Variants in LRRTM4 observed in about 807,000 individuals in gnomAD.
LRRTM4 encodes the protein leucine rich repeat transmembrane neuronal 4.
LRRTM4 carries 25 observed loss-of-function variants against 47.6 expected under a neutral mutation model. That is an observed-to-expected ratio of 0.53 (90% CI 0.38 to 0.73). The LOEUF is 0.73. Among genes scored for constraint, LRRTM4 ranks in the 30% least tolerant of loss-of-function variants. The pLI is 0.00. For missense variants in LRRTM4, 638 were observed against 713.4 expected, an observed-to-expected ratio of 0.89 and a Z score of 1.20; for synonymous variants, 311 against 269.5, an observed-to-expected ratio of 1.15 and a Z score of -1.51.
At chr2:77,089,399 T>A (rs1024678137) in intron 3 of LRRTM4, among the ~76,000 whole-genome samples, 2 of 151,646 alleles carry the variant, frequency 1.3e-5, no homozygotes, top group East Asian at 3.9e-4. Context: ...CAACCTCTTA[T>A]ATCTCTGTGC....
intron 3 of LRRTM4, among the ~76,000 whole-genome samples, chr2:77,286,196 C>A (rs2104113548): frequency 6.6e-6 from 1 of 152,134 alleles, no homozygotes; most frequent in African/African-American, 2.4e-5. Context: ...CATGAGAATT[C>A]TGCTGGAGTA....
At chr2:77,050,765 T>C (rs532781612) in intron 3 of LRRTM4, among the ~76,000 whole-genome samples, 1 of 152,314 alleles carries the variant, frequency 6.6e-6, no homozygotes, top group South Asian at 2.1e-4. Context: ...TCTACTTCTG[T>C]AAAACGGAAA....
intron 3 of LRRTM4, among the ~76,000 whole-genome samples, chr2:77,281,535 T>C (rs1432372935): frequency 1.3e-5 from 2 of 151,650 alleles, no homozygotes; most frequent in African/African-American, 4.8e-5. Context: ...TTAGTAGGGG[T>C]GAAGTAGAAA....
intron 3 of LRRTM4, among the ~76,000 whole-genome samples, chr2:77,088,280 C>T (rs1052143502): frequency 1.3e-4 from 20 of 152,148 alleles, no homozygotes; most frequent in Non-Finnish European, 2.2e-4. Flanking sequence ...TGCACGTATA[C>T]GCCCAGATGG....
At chr2:76,933,989 A>G (rs2103841789) in intron 3 of LRRTM4, among the ~76,000 whole-genome samples, 1 of 152,246 alleles carries the variant, frequency 6.6e-6, no homozygotes, top group South Asian at 2.1e-4. Flanking sequence ...CCATGCTGAG[A>G]AATAACATCT....
chr2:76,763,242 C>G (rs780448342), intron 3 of LRRTM4, among the ~76,000 whole-genome samples: 1 of 152,190 alleles, frequency 6.6e-6, no homozygotes, highest in Non-Finnish European at 1.5e-5. Flanking sequence ...GCACTGTGGA[C>G]TGAATATTTG....
chr2:77,076,696 T>G (rs1215252925), intron 3 of LRRTM4, among the ~76,000 whole-genome samples: 1 of 152,182 alleles, frequency 6.6e-6, no homozygotes, highest in Non-Finnish European at 1.5e-5. Context: ...AGAATAAAAG[T>G]CATGCAAATG....
At chr2:76,927,730 A>T (rs1165722305) in intron 3 of LRRTM4, among the ~76,000 whole-genome samples, 1 of 152,132 alleles carries the variant, frequency 6.6e-6, no homozygotes, top group Non-Finnish European at 1.5e-5. Context: ...TTAAAAATTC[A>T]ACCTGATGTT....
chr2:77,174,544 C>G (rs1673139009), intron 3 of LRRTM4, among the ~76,000 whole-genome samples: 1 of 152,124 alleles, frequency 6.6e-6, no homozygotes, highest in South Asian at 2.1e-4. Flanking sequence ...CCAATGTTAG[C>G]ATATGCAGTC....
intron 3 of LRRTM4, among the ~76,000 whole-genome samples, chr2:77,359,719 T>A (rs996000431): frequency 6.6e-6 from 1 of 152,214 alleles, no homozygotes; most frequent in South Asian, 2.1e-4. Context: ...CTATACACAA[T>A]TGCCTTAAGC....
intron 3 of LRRTM4, among the ~76,000 whole-genome samples, chr2:76,890,713 A>C (rs1042351720): frequency 2.0e-5 from 3 of 151,740 alleles, no homozygotes; most frequent in South Asian, 4.1e-4. Context: ...ACATATCAAC[A>C]AAAAATAACG....
intron 3 of LRRTM4, among the ~76,000 whole-genome samples, chr2:77,514,351 TG>T (rs1679132058): frequency 6.6e-6 from 1 of 151,982 alleles, no homozygotes; most frequent in Admixed American, 6.6e-5. Flanking sequence ...ATATCTAAAG[TG>T]TGAAAAGAAG....
intron 3 of LRRTM4, among the ~76,000 whole-genome samples, chr2:77,075,302 T>G (rs1558564946): frequency 6.6e-6 from 1 of 152,222 alleles, no homozygotes. Flanking sequence ...AATGTTAGGC[T>G]TAACCACAAA....
chr2:77,334,755 A>G (rs1671100046), intron 3 of LRRTM4, among the ~76,000 whole-genome samples: 1 of 152,152 alleles, frequency 6.6e-6, no homozygotes, highest in South Asian at 2.1e-4. Context: ...TACAATTTCT[A>G]TCCATCCTTC....
chr2:76,788,942 TTA>T (rs1488453142), intron 3 of LRRTM4, among the ~76,000 whole-genome samples: 1 of 152,182 alleles, frequency 6.6e-6, no homozygotes, highest in Non-Finnish European at 1.5e-5. Flanking sequence ...GAAAAAGGTT[TTA>T]TTTTCTACAT....
intron 3 of LRRTM4, among the ~76,000 whole-genome samples, chr2:77,146,350 C>G (rs990233571): frequency 4.6e-5 from 7 of 152,130 alleles, no homozygotes; most frequent in Admixed American, 3.3e-4. Flanking sequence ...AACTCCTGCT[C>G]TCAAATTTTT....
chr2:77,135,796 A>G (rs1332007078), intron 3 of LRRTM4, among the ~76,000 whole-genome samples: 1 of 152,170 alleles, frequency 6.6e-6, no homozygotes, highest in African/African-American at 2.4e-5. Context: ...ACTAACTACT[A>G]CAAATGTGAA....
intron 3 of LRRTM4, among the ~76,000 whole-genome samples, chr2:76,899,364 T>C (rs1464686992): frequency 6.7e-6 from 1 of 149,344 alleles, no homozygotes; most frequent in Non-Finnish European, 1.5e-5. Context: ...TATATATATA[T>C]AAACTATATT....
At chr2:77,109,954 C>T (rs927741955) in intron 3 of LRRTM4, among the ~76,000 whole-genome samples, 1 of 151,354 alleles carries the variant, frequency 6.6e-6, no homozygotes, top group Non-Finnish European at 1.5e-5. Context: ...GCACAATCAG[C>T]TGAAGAGATT....
Sources: gnomAD v4.1 joint callset for allele counts (sites outside exome capture counted in the v4.1 genomes callset) on GRCh38, gnomAD v4.1.1 for gene constraint, MANE v1.5 for transcripts, NCBI Gene and HGNC (gene_info 2026-07-23, HGNC 2026-07-21) for gene names.